THEMIS: variants seen among roughly 807,000 people sequenced by gnomAD.
THEMIS encodes thymocyte selection associated.
THEMIS carries 37 observed loss-of-function variants against 52.6 expected under a neutral mutation model. That is an observed-to-expected ratio of 0.70 (90% CI 0.54 to 0.93). The LOEUF (loss-of-function observed/expected upper bound fraction) is 0.93, where lower values mean the gene tolerates loss of function less well. Among genes scored for constraint, THEMIS ranks in the 40% least tolerant of loss-of-function variants. The probability of loss-of-function intolerance (pLI) is 0.00; values close to 1 mark genes in which losing one functional copy is unlikely to be tolerated. For synonymous variants in THEMIS, 292 were observed against 272.7 expected, an observed-to-expected ratio of 1.07 and a Z score of -0.70; for missense variants, 808 against 763.1, an observed-to-expected ratio of 1.06 and a Z score of -0.69.
intron 2 of THEMIS, among the ~76,000 whole-genome samples, chr6:127,837,668 T>G (rs1297327513): frequency 6.6e-6 from 1 of 151,816 alleles, no homozygotes; most frequent in African/African-American, 2.4e-5. Flanking sequence ...TTTAACAAAT[T>G]TAAAATAAAA....
chr6:127,710,328 T>C (rs1253118597), intron 5 of THEMIS, among the ~76,000 whole-genome samples: 1 of 151,906 alleles, frequency 6.6e-6, no homozygotes, highest in Non-Finnish European at 1.5e-5. Context: ...AACTCTATCA[T>C]ATGGGTAATG....
chr6:127,904,436 G>T (rs1171863542), upstream of THEMIS, among the ~76,000 whole-genome samples: 1 of 151,990 alleles, frequency 6.6e-6, no homozygotes, highest in Admixed American at 6.6e-5. Context: ...AGAAAGGGTT[G>T]CCTATAAATA....
intron 4 of THEMIS, among the ~76,000 whole-genome samples, chr6:127,742,656 T>A (rs1305825540): frequency 2.0e-5 from 3 of 151,870 alleles, no homozygotes; most frequent in Non-Finnish European, 2.9e-5. Context: ...GTAAGTGAAA[T>A]ACACCAGACA....
At chr6:127,751,649 C>T (rs1775647914) in intron 4 of THEMIS, among the ~76,000 whole-genome samples, 1 of 151,428 alleles carries the variant, frequency 6.6e-6, no homozygotes, top group Admixed American at 6.6e-5. Flanking sequence ...TGTAAATATA[C>T]ATGCACCCAA....
At chr6:127,877,798 A>T (rs1295724158) in intron 1 of THEMIS, among the ~76,000 whole-genome samples, 1 of 152,226 alleles carries the variant, frequency 6.6e-6, no homozygotes, top group Admixed American at 6.5e-5. Flanking sequence ...TTGGTGGAAA[A>T]TGGTGCCAAT....
intron 3 of THEMIS, among the ~76,000 whole-genome samples, chr6:127,820,834 T>C (rs542520843): frequency 1.3e-5 from 2 of 152,168 alleles, no homozygotes; most frequent in South Asian, 4.1e-4. Flanking sequence ...ATGTTTTAAG[T>C]TTTCCACAGT....
rs375149754 is a variant in THEMIS, at chr6:127,817,753, A to T, written c.710-3822T>A. Among the ~76,000 whole-genome samples the T allele has an allele frequency of 7.9e-5, 12 of 152,192 alleles. 1 individual carries two copies. The highest frequency in any genetic ancestry group is 7.2e-4 in the Admixed American group (11 of 15,284). On this transcript the variant is annotated intron_variant, in intron 3 of 5. Transcript: ENST00000368248. ...GGGGGCAAAAACGACTGCTGGAGGCAGCACCTGGAAGAATAGAAGGGTAAC... is the reference window on the plus strand; with the variant it reads ...GGGGGCAAAAACGACTGCTGGAGGCTGCACCTGGAAGAATAGAAGGGTAAC...
At chr6:127,794,748 A>G (rs72967699) in intron 4 of THEMIS, among the ~76,000 whole-genome samples, 1 of 152,302 alleles carries the variant, frequency 6.6e-6, no homozygotes, top group Non-Finnish European at 1.5e-5. Context: ...ACACCTTGAT[A>G]TTCTTTCAAA....
At position 127,747,050 on chromosome 6, in the gene THEMIS, A is replaced by ATTT. The variant is rs1313646245; in HGVS notation, c.1759-27228_1759-27227insAAA. ...TATAGATATAATTATAGATATCTAT[A>ATTT]ATTATATTATATATAATTGTATATA... On this transcript the variant is annotated intron_variant, in intron 4 of 5. Transcript: ENST00000368248. 4.9e-4 allele frequency among the ~76,000 whole-genome samples: 57 copies of ATTT among 116,308 alleles called. 9 individuals are homozygous for ATTT. The highest frequency in any genetic ancestry group is 1.0e-3 in the Admixed American group (9 of 8,972). 76.3% of individuals were successfully genotyped at this position (116,308 alleles called of 152,430 possible). A position where few individuals can be genotyped will look rare whatever the true frequency, so the allele number is the denominator to read the frequency against.
intron 3 of THEMIS, among the ~76,000 whole-genome samples, chr6:127,827,595 T>A (rs1282128773): frequency 2.6e-5 from 4 of 152,210 alleles, no homozygotes; most frequent in Non-Finnish European, 4.4e-5. Flanking sequence ...TCCCCTGATC[T>A]GATGATGATT....
chr6:127,859,353 T>A (rs1254286306), intron 1 of THEMIS, among the ~76,000 whole-genome samples: 1 of 152,176 alleles, frequency 6.6e-6, no homozygotes, highest in East Asian at 1.9e-4. Flanking sequence ...TTCATGCGTA[T>A]CTCCATTAAA....
intron 1 of THEMIS, among the ~76,000 whole-genome samples, chr6:127,855,505 T>A (rs1016610805): frequency 1.3e-5 from 2 of 151,936 alleles, no homozygotes; most frequent in African/African-American, 2.4e-5. Flanking sequence ...AGATTTATGA[T>A]CTGTTTTTGC....
At chr6:127,729,627 A>C (rs1219667256) in intron 4 of THEMIS, among the ~76,000 whole-genome samples, 1 of 152,044 alleles carries the variant, frequency 6.6e-6, no homozygotes, top group Non-Finnish European at 1.5e-5. Flanking sequence ...CACTCTTCCC[A>C]TGACATACTT....
chr6:127,802,695 G>C (rs1583294481), intron 4 of THEMIS, among the ~76,000 whole-genome samples: 1 of 152,200 alleles, frequency 6.6e-6, no homozygotes, highest in Non-Finnish European at 1.5e-5. Context: ...ACTTGAGCCA[G>C]TTTACAGACC....
intron 2 of THEMIS, among the ~76,000 whole-genome samples, chr6:127,849,632 G>A (rs192685898): frequency 2.6e-5 from 4 of 151,852 alleles, no homozygotes; most frequent in African/African-American, 4.8e-5. Flanking sequence ...ATACAAAAAC[G>A]TAAATTAGGG....
chr6:127,851,229 A>G lies in THEMIS; in HGVS notation c.250+3801T>C, dbSNP rs568324185. 4.0e-5 allele frequency among the ~76,000 whole-genome samples: 6 copies of G among 151,736 alleles called. No individual in the cohort carries two copies. The East Asian group carries it at 1.2e-3, about 30-fold the overall frequency. ...AGAGAGAGAGAGGTATAGAAAGAAT[A>G]TATTTTTAAAAAATGGCAAAAACTT... On this transcript the variant is annotated intron_variant, in intron 2 of 5. Transcript: ENST00000368248.
intron 4 of THEMIS, among the ~76,000 whole-genome samples, chr6:127,792,725 A>G (rs764621432): frequency 6.6e-6 from 1 of 152,200 alleles, no homozygotes; most frequent in Admixed American, 6.5e-5. Context: ...TTTAGTTTTC[A>G]TAATAGGAAA....
chr6:127,840,489 G>A (rs1214234398), intron 2 of THEMIS, among the ~76,000 whole-genome samples: 1 of 152,064 alleles, frequency 6.6e-6, no homozygotes, highest in East Asian at 1.9e-4. Context: ...TGCTAGATGA[G>A]TCTGGTGATG....
At chr6:127,767,796 C>A (rs988273019) in intron 4 of THEMIS, among the ~76,000 whole-genome samples, 3 of 152,072 alleles carry the variant, frequency 2.0e-5, no homozygotes, top group African/African-American at 7.3e-5. Context: ...TACTTTTATA[C>A]AACCACCAAT....
Sources: gnomAD v4.1 joint callset for allele counts (sites outside exome capture counted in the v4.1 genomes callset) on GRCh38, gnomAD v4.1.1 for gene constraint, MANE v1.5 for transcripts, NCBI Gene and HGNC (gene_info 2026-07-23, HGNC 2026-07-21) for gene names.